The following COL25A1 variants were observed in gnomAD, a reference collection of about 807,000 sequenced individuals.
COL25A1 encodes collagen alpha-1(XXV) chain.
A neutral mutation model predicts 128.4 loss-of-function variants in COL25A1; 103 were observed. The ratio of observed to expected loss-of-function variants is 0.80; its 90% confidence interval spans 0.68 to 0.94. The LOEUF is 0.94. Among genes scored for constraint, COL25A1 ranks in the 40% least tolerant of loss-of-function variants. The pLI is 0.00. For synonymous variants in COL25A1, 279 were observed against 277.2 expected, an observed-to-expected ratio of 1.01 and a Z score of -0.06; for missense variants, 745 against 840.0, an observed-to-expected ratio of 0.89 and a Z score of 1.40.
intron 3 of COL25A1, among the ~76,000 whole-genome samples, chr4:109,275,752 A>G (rs1238917641): frequency 6.6e-6 from 1 of 152,206 alleles, no homozygotes; most frequent in African/African-American, 2.4e-5. Flanking sequence ...GGAGTGCAAC[A>G]TTAGGCTTCT....
Position 108,832,285 on chromosome 4 carries a change from T to C in COL25A1, c.1710+95A>G, listed in dbSNP as rs1733215620. ...TTTTATTTAATATTAGATAGCCCTT[T>C]ATTTCTTCTGAAAAATGAACAGTTA... is the stretch of plus-strand genomic sequence containing the variant. On this transcript the variant is annotated intron_variant, in intron 32 of 37. Coordinates refer to ENST00000399132, the MANE Select transcript of COL25A1 (RefSeq NM_198721.4). The C allele has an allele frequency of 1.3e-5, 11 of 856,490 alleles. No homozygotes were observed. In the South Asian group the frequency reaches 1.7e-4, roughly 13 times the overall value. 53.1% of individuals were successfully genotyped at this position (856,490 alleles called of 1,614,324 possible).
At chr4:109,143,313 CCTTT>C (rs774742546) in intron 3 of COL25A1, among the ~76,000 whole-genome samples, 18 of 152,298 alleles carry the variant, frequency 1.2e-4, no homozygotes, top group Non-Finnish European at 2.4e-4. Flanking sequence ...GGTAACCTGA[CCTTT>C]CTTTCTGGCT....
intron 3 of COL25A1, among the ~76,000 whole-genome samples, chr4:109,291,677 GA>G (rs1328015669): frequency 6.6e-6 from 1 of 151,752 alleles, no homozygotes; most frequent in African/African-American, 2.4e-5. Context: ...TGAATATCTA[GA>G]ATTAAAAAAT....
intron 23 of COL25A1, among the ~76,000 whole-genome samples, chr4:108,860,416 T>C (rs553898548): frequency 6.6e-6 from 1 of 152,226 alleles, no homozygotes; most frequent in South Asian, 2.1e-4. Flanking sequence ...GATAGAACAT[T>C]GTTCTGTAGA....
intron 26 of COL25A1, among the ~76,000 whole-genome samples, chr4:108,850,791 C>T (rs1403641549): frequency 6.6e-6 from 1 of 151,952 alleles, no homozygotes; most frequent in African/African-American, 2.4e-5. Flanking sequence ...TACTGAATAA[C>T]TGAATTAATA....
At chr4:109,085,156 T>C (rs1204076797) in intron 3 of COL25A1, among the ~76,000 whole-genome samples, 3 of 152,138 alleles carry the variant, frequency 2.0e-5, no homozygotes. Flanking sequence ...ATCTACTCTC[T>C]CATCCATTGC....
chr4:109,235,508 T>C (rs1779411855), intron 3 of COL25A1, among the ~76,000 whole-genome samples: 1 of 150,912 alleles, frequency 6.6e-6, no homozygotes, highest in African/African-American at 2.4e-5. Context: ...GCTGGAGCAC[T>C]GAAGGTATGC....
intron 3 of COL25A1, among the ~76,000 whole-genome samples, chr4:109,112,018 T>C (rs1207906454): frequency 2.0e-5 from 3 of 152,150 alleles, no homozygotes; most frequent in African/African-American, 7.2e-5. Context: ...CTCCTTCTAG[T>C]TTCTGTTTGC....
chr4:108,828,745 G>T (rs1295398522), intron 32 of COL25A1, among the ~76,000 whole-genome samples: 2 of 152,138 alleles, frequency 1.3e-5, no homozygotes, highest in African/African-American at 4.8e-5. Context: ...TATATGAGTA[G>T]CCAAACAGAA....
intron 3 of COL25A1, among the ~76,000 whole-genome samples, chr4:109,254,468 T>TG: frequency 1.0e-5 from 1 of 95,340 alleles, no homozygotes; most frequent in South Asian, 4.1e-4. Context: ...TAGGCATATG[T>TG]TTATATATAT....
chr4:109,167,796 G>T (rs1773213368), intron 3 of COL25A1, among the ~76,000 whole-genome samples: 2 of 152,098 alleles, frequency 1.3e-5, no homozygotes, highest in South Asian at 4.1e-4. Flanking sequence ...GGAAAAAAAT[G>T]GAGAGGTATC....
chr4:108,989,591 A>G (rs1363837263), intron 6 of COL25A1, among the ~76,000 whole-genome samples: 2 of 152,180 alleles, frequency 1.3e-5, no homozygotes, highest in African/African-American at 4.8e-5. Context: ...AAGAGTTCCA[A>G]TAATTAGCAC....
chr4:108,915,173 GAAAGAC>G (rs1744722934), intron 13 of COL25A1, among the ~76,000 whole-genome samples: 1 of 152,188 alleles, frequency 6.6e-6, no homozygotes, highest in South Asian at 2.1e-4. Context: ...CAGAAGAACT[GAAAGAC>G]CATTACAAAA....
intron 3 of COL25A1, among the ~76,000 whole-genome samples, chr4:109,109,964 A>C (rs1485246294): frequency 6.6e-6 from 1 of 152,138 alleles, no homozygotes; most frequent in Non-Finnish European, 1.5e-5. Context: ...TTTCCATCTT[A>C]TAAACTGAAG....
intron 3 of COL25A1, among the ~76,000 whole-genome samples, chr4:109,290,927 C>A (rs1724412469): frequency 6.6e-6 from 1 of 152,102 alleles, no homozygotes; most frequent in Admixed American, 6.6e-5. Context: ...ACTTTCCTAT[C>A]TTTGTTGCTT....
In COL25A1 at chr4:108,984,438, G is replaced by A. The variant is rs562494597; in HGVS notation, c.439-9879C>T. 3.9e-5 allele frequency among the ~76,000 whole-genome samples: 6 copies of A among 152,336 alleles called. No homozygotes were observed. In the East Asian group the frequency reaches 1.2e-3, roughly 30 times the overall value. On this transcript the variant is annotated intron_variant, in intron 6 of 37. Coordinates refer to ENST00000399132, the MANE Select transcript of COL25A1 (RefSeq NM_198721.4). ...TGATGGGACTGGGCGCCCTAGAGCGGGGGCGGCGCTCATTGGGGAGGCTCC... is the reference window on the plus strand; with the variant it reads ...TGATGGGACTGGGCGCCCTAGAGCGAGGGCGGCGCTCATTGGGGAGGCTCC...
chr4:109,058,420 A>C (rs1165199810), intron 3 of COL25A1, among the ~76,000 whole-genome samples: 4 of 152,164 alleles, frequency 2.6e-5, no homozygotes, highest in Non-Finnish European at 1.5e-5. Flanking sequence ...TATTAACATG[A>C]AAAACAGTTT....
intron 6 of COL25A1, among the ~76,000 whole-genome samples, chr4:108,988,462 C>G (rs1188717218): frequency 6.6e-6 from 1 of 152,162 alleles, no homozygotes; most frequent in Non-Finnish European, 1.5e-5. Context: ...ACTACAATTT[C>G]TCATGTGTCG....
At chr4:108,949,278 A>G (rs879558891) in intron 8 of COL25A1, among the ~76,000 whole-genome samples, 5 of 152,208 alleles carry the variant, frequency 3.3e-5, no homozygotes, top group Non-Finnish European at 7.3e-5. Flanking sequence ...AAAATAATAA[A>G]TAATGACAAT....
Sources: gnomAD v4.1 joint callset for allele counts (sites outside exome capture counted in the v4.1 genomes callset) on GRCh38, gnomAD v4.1.1 for gene constraint, MANE v1.5 for transcripts, NCBI Gene and HGNC (gene_info 2026-07-23, HGNC 2026-07-21) for gene names.